The following GALNTL6 variants were observed in gnomAD, a reference collection of about 807,000 sequenced individuals.
GALNTL6 encodes polypeptide N-acetylgalactosaminyltransferase-like 6.
A neutral mutation model predicts 73.7 loss-of-function variants in GALNTL6; 46 were observed. That is an observed-to-expected ratio of 0.62 (90% CI 0.49 to 0.80). GALNTL6 has a LOEUF of 0.80. Ranked by LOEUF, GALNTL6 falls within the 30% of genes least tolerant of loss-of-function variation. GALNTL6 has a pLI of 0.00. For synonymous variants in GALNTL6, 259 were observed against 263.7 expected (o/e 0.98, Z 0.17); for missense variants, 604 against 755.0 (o/e 0.80, Z 2.34).
chr4:172,138,492 T>TATAC (rs1316199987), intron 2 of GALNTL6, among the ~76,000 whole-genome samples: 314 of 7,704 alleles, frequency 0.041, 19 homozygotes, highest in Non-Finnish European at 0.11. Context: ...TATATATATA[T>TATAC]ATATATATAT....
intron 2 of GALNTL6, among the ~76,000 whole-genome samples, chr4:171,982,536 G>A (rs1168682020): frequency 6.6e-6 from 1 of 151,944 alleles, no homozygotes; most frequent in East Asian, 1.9e-4. Flanking sequence ...CTGACCTCGT[G>A]ATTCGCCCGC....
At chr4:172,289,401 G>A (rs983236926) in intron 3 of GALNTL6, among the ~76,000 whole-genome samples, 3 of 152,014 alleles carry the variant, frequency 2.0e-5, no homozygotes, top group Non-Finnish European at 4.4e-5. Context: ...TGAAAATATC[G>A]TAGTGTTTTG....
chr4:172,481,415 G>A (rs974821505), intron 5 of GALNTL6, among the ~76,000 whole-genome samples: 4 of 133,754 alleles, frequency 3.0e-5, no homozygotes, highest in African/African-American at 1.0e-4. Context: ...AGTGTGGAAG[G>A]GGACCAGGGT....
At chr4:172,813,430 C>T (rs1416597623) in intron 6 of GALNTL6, 110 bp from the exon 7 acceptor site, 11 of 810,224 alleles carry the variant, frequency 1.4e-5, no homozygotes, top group Admixed American at 2.6e-5. Context: ...CAGGGAGCCA[C>T]GGCTGCAAGC....
intron 2 of GALNTL6, among the ~76,000 whole-genome samples, chr4:171,947,055 A>G (rs1042584520): frequency 3.9e-5 from 6 of 152,064 alleles, no homozygotes; most frequent in African/African-American, 1.2e-4. Context: ...ACTGGCTATT[A>G]CCTCTTTGTT....
chr4:172,460,937 A>G (rs980492532), intron 5 of GALNTL6, among the ~76,000 whole-genome samples: 10 of 152,218 alleles, frequency 6.6e-5, no homozygotes, highest in African/African-American at 2.4e-4. Flanking sequence ...TTTCAGCACT[A>G]TTCACAATAG....
chr4:172,990,393 T>C (rs1319745426), intron 10 of GALNTL6, among the ~76,000 whole-genome samples: 2 of 152,176 alleles, frequency 1.3e-5, no homozygotes, highest in Non-Finnish European at 2.9e-5. Flanking sequence ...AAGAAAAAGT[T>C]TTCTATACTC....
At chr4:172,248,083 G>T (rs921720665) in intron 3 of GALNTL6, among the ~76,000 whole-genome samples, 2 of 151,814 alleles carry the variant, frequency 1.3e-5, no homozygotes, top group Non-Finnish European at 2.9e-5. Flanking sequence ...GTCCTCATAA[G>T]GTTTTCAAAC....
chr4:172,061,271 A>T lies in GALNTL6; in HGVS notation c.139-168385A>T, dbSNP rs1053733015. Among the ~76,000 whole-genome samples, 94 of 152,062 alleles carry T rather than the reference A, an allele frequency of 6.2e-4. 1 individual carries two copies. Among genetic ancestry groups the T allele is most frequent in the African/African-American group, 2.1e-3 (89 of 41,480 alleles). On this transcript the variant is annotated intron_variant, in intron 2 of 12. Transcript: ENST00000506823. ...TTTCAATCTGACTAGATAATATTTTAAAAATACATTTGTTTAAAAAAATTC... is the reference window on the plus strand; with the variant it reads ...TTTCAATCTGACTAGATAATATTTTTAAAATACATTTGTTTAAAAAAATTC...
intron 8 of GALNTL6, among the ~76,000 whole-genome samples, chr4:172,895,709 G>A (rs1746289441): frequency 6.6e-6 from 1 of 151,960 alleles, no homozygotes; most frequent in Non-Finnish European, 1.5e-5. Flanking sequence ...CAAACTTTAT[G>A]TTCATTTGTC....
intron 8 of GALNTL6, among the ~76,000 whole-genome samples, chr4:172,921,896 G>T (rs975709221): frequency 9.2e-5 from 14 of 151,916 alleles, no homozygotes; most frequent in Middle Eastern, 3.4e-3. Flanking sequence ...CACATTATTT[G>T]CAAATGTAAA....
chr4:172,663,418 C>T (rs185997662), intron 5 of GALNTL6, among the ~76,000 whole-genome samples: 1 of 152,208 alleles, frequency 6.6e-6, no homozygotes, highest in Non-Finnish European at 1.5e-5. Flanking sequence ...TGTCACCCTT[C>T]TGTTCACCAG....
chr4:172,521,088 A>G (rs1445492211), intron 5 of GALNTL6, among the ~76,000 whole-genome samples: 1 of 152,112 alleles, frequency 6.6e-6, no homozygotes, highest in African/African-American at 2.4e-5. Context: ...TAATTTCAAG[A>G]TAGATATTGC....
intron 5 of GALNTL6, among the ~76,000 whole-genome samples, chr4:172,395,300 G>A (rs918761231): frequency 3.3e-5 from 5 of 151,930 alleles, no homozygotes; most frequent in Non-Finnish European, 5.9e-5. Context: ...TTGTATTTAT[G>A]GACATTTACA....
intron 2 of GALNTL6, among the ~76,000 whole-genome samples, chr4:172,208,733 A>G (rs1736226748): frequency 6.6e-6 from 1 of 152,154 alleles, no homozygotes; most frequent in Admixed American, 6.5e-5. Context: ...AAGAAAGTTA[A>G]GATTGCATTT....
At chr4:172,372,174 G>A (rs2111260738) in intron 5 of GALNTL6, among the ~76,000 whole-genome samples, 1 of 152,270 alleles carries the variant, frequency 6.6e-6, no homozygotes, top group South Asian at 2.1e-4. Context: ...CGGTATATAG[G>A]TTAAGGTCAG....
intron 5 of GALNTL6, among the ~76,000 whole-genome samples, chr4:172,636,087 A>G (rs748023442): frequency 1.8e-4 from 27 of 152,162 alleles, no homozygotes; most frequent in Non-Finnish European, 3.7e-4. Context: ...TCCTGGAATC[A>G]TATGTAATCT....
chr4:171,980,697 A>C (rs1157099625), intron 2 of GALNTL6, among the ~76,000 whole-genome samples: 3 of 152,182 alleles, frequency 2.0e-5, no homozygotes, highest in African/African-American at 7.2e-5. Flanking sequence ...ACCAAGGGAA[A>C]ATCACCTCCA....
intron 7 of GALNTL6, among the ~76,000 whole-genome samples, chr4:172,826,268 A>G (rs1361851200): frequency 6.6e-6 from 1 of 152,186 alleles, no homozygotes; most frequent in Non-Finnish European, 1.5e-5. Flanking sequence ...AACAACCCAG[A>G]GAGTAGGGAT....
Sources: gnomAD v4.1 joint callset for allele counts (sites outside exome capture counted in the v4.1 genomes callset) on GRCh38, gnomAD v4.1.1 for gene constraint, MANE v1.5 for transcripts, NCBI Gene and HGNC (gene_info 2026-07-23, HGNC 2026-07-21) for gene names.